KCNG2: variants seen among roughly 807,000 people sequenced by gnomAD.
KCNG2 encodes the protein voltage-gated potassium channel regulatory subunit KCNG2.
Under a neutral mutation model 12.3 loss-of-function variants are expected in KCNG2, and 7 were observed. The observed-to-expected ratio is 0.57, with a 90% CI of 0.32 to 1.07. KCNG2 has a LOEUF of 1.07. Among genes scored for constraint, KCNG2 ranks in the 50% least tolerant of loss-of-function variants. The pLI, the probability that KCNG2 is intolerant of heterozygous loss-of-function variation, is 0.04. For missense variants in KCNG2, 703 were observed against 726.0 expected (o/e 0.97, Z 0.36); for synonymous variants, 414 against 351.4 (o/e 1.18, Z -1.99).
intron 1 of KCNG2, among the ~76,000 whole-genome samples, chr18:79,837,430 C>T (rs983931180): frequency 6.6e-6 from 1 of 152,202 alleles, no homozygotes; most frequent in Non-Finnish European, 1.5e-5. Context: ...GACAGTGGCC[C>T]TCTTCTCACA....
chr18:79,871,043 C>T (rs773536653), intron 3 of KCNG2, among the ~76,000 whole-genome samples: 3 of 152,116 alleles, frequency 2.0e-5, no homozygotes, highest in African/African-American at 4.8e-5. Flanking sequence ...AGACCAGCAC[C>T]GAGAGACCAG....
At chr18:79,896,919 G>A (rs1326307089) in intron 3 of KCNG2, among the ~76,000 whole-genome samples, 1 of 152,144 alleles carries the variant, frequency 6.6e-6, no homozygotes, top group Non-Finnish European at 1.5e-5. Context: ...CTGCCTTATG[G>A]CTTGCAGTGT....
At chr18:79,880,002 G>A (rs1334868163) in intron 3 of KCNG2, among the ~76,000 whole-genome samples, 2 of 152,260 alleles carry the variant, frequency 1.3e-5, no homozygotes, top group East Asian at 1.9e-4. Flanking sequence ...TGTAGAGCAC[G>A]ACTTGGCTCA....
At chr18:79,879,086 C>G (rs1396585203) in intron 3 of KCNG2, among the ~76,000 whole-genome samples, 2 of 152,248 alleles carry the variant, frequency 1.3e-5, no homozygotes, top group South Asian at 2.1e-4. Flanking sequence ...GGTAGCGTGC[C>G]AGGCTGCAGG....
intron 1 of KCNG2, among the ~76,000 whole-genome samples, chr18:79,848,440 C>A (rs965767910): frequency 1.3e-5 from 2 of 152,242 alleles, no homozygotes; most frequent in African/African-American, 2.4e-5. Context: ...CCATCGTCAG[C>A]CCTCCTTGGC....
intron 3 of KCNG2, 21 bp from the exon 4 acceptor site, chr18:79,899,019 C>A: frequency 6.6e-7 from 1 of 1,516,182 alleles, no homozygotes; most frequent in Non-Finnish European, 8.8e-7. Context: ...GCCCCCAACC[C>A]CGTGTCCCCT....
intron 3 of KCNG2, among the ~76,000 whole-genome samples, chr18:79,882,932 C>T (rs555209807): frequency 1.3e-5 from 2 of 152,210 alleles, no homozygotes; most frequent in Non-Finnish European, 2.9e-5. Flanking sequence ...GGTACACCTG[C>T]GCTCATCGCA....
chr18:79,869,990 C>A (rs1979767149), intron 3 of KCNG2, among the ~76,000 whole-genome samples: 1 of 152,222 alleles, frequency 6.6e-6, no homozygotes, highest in Admixed American at 6.5e-5. Context: ...CCACCCGTTC[C>A]CAGCTGGTGG....
rs1162742507 is a variant in KCNG2 at position 79,872,280 on chromosome 18, G to GTTTTTTTTTTTTTTT, written c.624+7998_624+8012dup. On this transcript the variant is annotated intron_variant, in intron 3 of 3. Transcript: ENST00000316249. ...CTGATATAAAAGCTTCAAAGCTTCA[G>GTTTTTTTTTTTTTTT]TTTTTTTTTTTTTTTTTTTTTTTGA... 4.7e-3 allele frequency among the ~76,000 whole-genome samples: 347 copies of GTTTTTTTTTTTTTTT among 73,412 alleles called. 52 individuals carry two copies. Among genetic ancestry groups the GTTTTTTTTTTTTTTT allele is most frequent in the African/African-American group, 0.016 (303 of 19,068 alleles). 48.2% of individuals were successfully genotyped at this position (73,412 alleles called of 152,430 possible).
chr18:79,817,131 G>A (rs901995707), intron 1 of KCNG2, among the ~76,000 whole-genome samples: 8 of 141,562 alleles, frequency 5.7e-5, no homozygotes, highest in African/African-American at 1.9e-4. Flanking sequence ...TGGCTGTCAC[G>A]CAGCTGCCAC....
intron 3 of KCNG2, among the ~76,000 whole-genome samples, chr18:79,896,366 G>A (rs9960676): frequency 0.37 from 55,772 of 151,866 alleles, 11,553 homozygotes; most frequent in Non-Finnish European, 0.47. Context: ...AGGTTTGTGC[G>A]TAATTCCAGT....
chr18:79,813,032 G>A (rs2087503719), intron 1 of KCNG2, among the ~76,000 whole-genome samples: 3 of 152,128 alleles, frequency 2.0e-5, no homozygotes, highest in South Asian at 4.1e-4. Flanking sequence ...GCGGGTGCCT[G>A]TAATCCCAGC....
intron 1 of KCNG2, among the ~76,000 whole-genome samples, chr18:79,833,687 A>G (rs1024821338): frequency 6.6e-6 from 1 of 152,238 alleles, no homozygotes; most frequent in African/African-American, 2.4e-5. Flanking sequence ...AAGTCCAAAT[A>G]TGTGGTATAA....
intron 1 of KCNG2, among the ~76,000 whole-genome samples, chr18:79,827,827 T>G (rs1016027158): frequency 1.4e-4 from 21 of 152,216 alleles, no homozygotes; most frequent in African/African-American, 5.1e-4. Context: ...AAAAACAGTT[T>G]TAACAATGTA....
At position 79,800,693 on chromosome 18, in the gene KCNG2, G is replaced by A. The variant is rs1057149865; in HGVS notation, c.-115+2679G>A. On this transcript the variant is annotated intron_variant, in intron 1 of 3. Coordinates refer to ENST00000316249, the MANE Select transcript of KCNG2 (RefSeq NM_012283.2). This position sits in a 1 kb window ranked among gnomAD's most constrained non-coding sequence, Gnocchi z 4.0. The stretch of plus-strand genomic sequence containing the variant: ...TCAGCAGTTCCTTCCCCGGGCGGGC[G>A]GCGCTGAGCAGACGGGAGGTGGGCT... 1.3e-5 allele frequency among the ~76,000 whole-genome samples: 2 copies of A among 152,220 alleles called. No homozygotes were observed. The highest frequency in any genetic ancestry group is 6.5e-5 in the Admixed American group (1 of 15,292).
intron 3 of KCNG2, among the ~76,000 whole-genome samples, chr18:79,893,546 A>G (rs1316346025): frequency 6.6e-6 from 1 of 151,084 alleles, no homozygotes; most frequent in Non-Finnish European, 1.5e-5. Context: ...TTCGATTGAT[A>G]TAGCTGGGTC....
At chr18:79,865,016 TCG>T (rs1979412181) in intron 3 of KCNG2, among the ~76,000 whole-genome samples, 1 of 144,778 alleles carries the variant, frequency 6.9e-6, no homozygotes, top group Non-Finnish European at 1.5e-5. Context: ...TGCTGAGGTC[TCG>T]GTGCCGAGGT....
chr18:79,809,997 G>A (rs975371213), intron 1 of KCNG2, among the ~76,000 whole-genome samples: 1 of 152,218 alleles, frequency 6.6e-6, no homozygotes, highest in Admixed American at 6.5e-5. Context: ...TGGTCTCAGC[G>A]CCGTCCACAG....
intron 2 of KCNG2, among the ~76,000 whole-genome samples, chr18:79,861,271 CTCTTTT>C (rs1485246816): frequency 7.5e-5 from 9 of 119,248 alleles, no homozygotes; most frequent in Non-Finnish European, 1.2e-4. Flanking sequence ...TTCTCTCTCT[CTCTTTT>C]TTTTTTTTTT....
Sources: allele counts gnomAD v4.1 joint callset (sites outside exome capture counted in the v4.1 genomes callset), GRCh38; gene constraint gnomAD v4.1.1; non-coding constraint Gnocchi (gnomAD v3.1); transcripts MANE v1.5; gene names NCBI Gene and HGNC (gene_info 2026-07-23, HGNC 2026-07-21).